KIAA1217: variants seen among roughly 807,000 people sequenced by gnomAD.
KIAA1217 encodes the protein sickle tail protein homolog.
A neutral mutation model predicts 163.9 loss-of-function variants in KIAA1217; 88 were observed. That is an observed-to-expected ratio of 0.54 (90% CI 0.45 to 0.64). The LOEUF (loss-of-function observed/expected upper bound fraction) is 0.64. Ranked by LOEUF, KIAA1217 falls within the 30% of genes least tolerant of loss-of-function variation. The pLI, the probability that KIAA1217 is intolerant of heterozygous loss-of-function variation, is 0.00. For synonymous variants in KIAA1217, 903 were observed against 923.1 expected, an observed-to-expected ratio of 0.98 and a Z score of 0.39; for missense variants, 2,372 against 2,475.0, an observed-to-expected ratio of 0.96 and a Z score of 0.88.
chr10:23,928,450 T>A (rs1218585518), intron 1 of KIAA1217, among the ~76,000 whole-genome samples: 3 of 152,190 alleles, frequency 2.0e-5, no homozygotes, highest in African/African-American at 7.2e-5. Flanking sequence ...TAGCAAATGA[T>A]GATTTGTTCA....
chr10:24,427,265 C>T (rs16924742), intron 3 of KIAA1217, among the ~76,000 whole-genome samples: 8,842 of 150,446 alleles, frequency 0.059, 252 homozygotes, highest in East Asian at 0.072. Flanking sequence ...GCATTCCCTT[C>T]GGTTGAGGTA....
At chr10:23,865,657 GT>G (rs1564489522) in intron 1 of KIAA1217, among the ~76,000 whole-genome samples, 1 of 151,586 alleles carries the variant, frequency 6.6e-6, no homozygotes, top group South Asian at 2.1e-4. Flanking sequence ...ACTCTGTTTT[GT>G]TTTTTAATTT....
At chr10:24,338,060 G>A (rs1213517091) in intron 2 of KIAA1217, among the ~76,000 whole-genome samples, 2 of 152,174 alleles carry the variant, frequency 1.3e-5, no homozygotes, top group East Asian at 3.9e-4. Flanking sequence ...AATCTAGAAA[G>A]CAACCAACAA....
At chr10:24,051,337 T>G (rs1849491020) in intron 2 of KIAA1217, among the ~76,000 whole-genome samples, 1 of 152,208 alleles carries the variant, frequency 6.6e-6, no homozygotes, top group Non-Finnish European at 1.5e-5. Flanking sequence ...TCCACATTTT[T>G]GCAATTGTGA....
chr10:24,021,277 A>G (rs186964999), intron 2 of KIAA1217, among the ~76,000 whole-genome samples: 225 of 152,124 alleles, frequency 1.5e-3, no homozygotes, highest in African/African-American at 5.3e-3. Flanking sequence ...AGGTTAATAT[A>G]CAAAAGCCAA....
chr10:24,471,499 A>C (rs2063507539), intron 5 of KIAA1217, among the ~76,000 whole-genome samples: 1 of 152,112 alleles, frequency 6.6e-6, no homozygotes, highest in South Asian at 2.1e-4. Context: ...CTCCCTTGCT[A>C]AACACAGTAA....
intron 1 of KIAA1217, among the ~76,000 whole-genome samples, chr10:23,968,410 A>T (rs1845163192): frequency 6.6e-6 from 1 of 152,196 alleles, no homozygotes; most frequent in African/African-American, 2.4e-5. Context: ...GACGGGTTTT[A>T]TGTAAGCTGA....
intron 1 of KIAA1217, among the ~76,000 whole-genome samples, chr10:23,705,170 G>A (rs983203927): frequency 5.3e-5 from 8 of 152,068 alleles, no homozygotes; most frequent in African/African-American, 1.7e-4. Flanking sequence ...GAGTTGTTAA[G>A]TGTTCTTTAT....
intron 1 of KIAA1217, among the ~76,000 whole-genome samples, chr10:23,722,929 C>T (rs532306075): frequency 2.6e-5 from 4 of 152,286 alleles, no homozygotes; most frequent in Non-Finnish European, 4.4e-5. Flanking sequence ...CTGTTCCTCC[C>T]TTTATTCTGC....
chr10:23,923,049 C>G (rs950882933), intron 1 of KIAA1217, among the ~76,000 whole-genome samples: 2 of 152,120 alleles, frequency 1.3e-5, no homozygotes, highest in Non-Finnish European at 2.9e-5. Flanking sequence ...GTCACCCAAG[C>G]AGGGTACACT....
chr10:24,271,764 A>T (rs2076789865), intron 2 of KIAA1217, among the ~76,000 whole-genome samples: 3 of 151,830 alleles, frequency 2.0e-5, no homozygotes, highest in South Asian at 4.1e-4. Flanking sequence ...AAAAAAAAAA[A>T]GAGTGAGAAT....
rs141598578 is a variant in KIAA1217, at chr10:23,815,410, C to T, written c.-321+120176C>T. Among the ~76,000 whole-genome samples, 491 of 152,138 alleles carry T rather than the reference C, an allele frequency of 3.2e-3. 2 individuals carry two copies. Among genetic ancestry groups the T allele is most frequent in the African/African-American group, 0.011 (451 of 41,522 alleles). On this transcript the variant is annotated intron_variant, in intron 1 of 18. Transcript: ENST00000376462. ...CTGTAATCCCAGCACTTTGGGAGGC[C>T]GAGGTGGGCGGATCACAAAGTCAGG...
intron 3 of KIAA1217, among the ~76,000 whole-genome samples, chr10:24,400,723 CA>C (rs1402081194): frequency 7.2e-5 from 11 of 151,864 alleles, no homozygotes; most frequent in African/African-American, 2.7e-4. Flanking sequence ...AATAGTCAAC[CA>C]GAATATAAAT....
At position 24,219,552 on chromosome 10, in the gene KIAA1217, C is replaced by A. The variant is rs536456311; in HGVS notation, c.71-74C>A. ...TTCATACATTAACAACTGCCGCAAA[C>A]CCTCTTGGTGTTCTGCAAATGAGAC... On this transcript the variant is annotated intron_variant, in intron 1 of 20. Transcript: ENST00000376454. The A allele has an allele frequency of 2.1e-5, 26 of 1,265,176 alleles. No individual in the cohort carries two copies. The African/African-American group carries it at 3.6e-4, about 18-fold the overall frequency. 78.4% of individuals were successfully genotyped at this position (1,265,176 alleles called of 1,614,324 possible).
chr10:23,989,079 ACT>A (rs1368002417), intron 1 of KIAA1217, among the ~76,000 whole-genome samples: 1 of 152,114 alleles, frequency 6.6e-6, no homozygotes, highest in East Asian at 1.9e-4. Flanking sequence ...CTTCTGGAAA[ACT>A]CAGCATAATC....
At chr10:24,248,738 A>C (rs2131448738) in intron 2 of KIAA1217, among the ~76,000 whole-genome samples, 1 of 147,566 alleles carries the variant, frequency 6.8e-6, no homozygotes, top group South Asian at 2.2e-4. Flanking sequence ...TAATTTGCTG[A>C]GGGTTCATTT....
intron 5 of KIAA1217, among the ~76,000 whole-genome samples, chr10:24,456,963 A>G (rs957907566): frequency 1.3e-5 from 2 of 151,966 alleles, no homozygotes; most frequent in Non-Finnish European, 2.9e-5. Flanking sequence ...GGGCCTCCCG[A>G]AGTGCTGGGA....
chr10:23,866,562 C>A (rs1399560156), intron 1 of KIAA1217, among the ~76,000 whole-genome samples: 2 of 152,032 alleles, frequency 1.3e-5, no homozygotes, highest in East Asian at 3.9e-4. Flanking sequence ...GGCAGCTGTA[C>A]CCTTTTCCCA....
intron 2 of KIAA1217, among the ~76,000 whole-genome samples, chr10:24,029,253 G>A (rs1848093480): frequency 1.3e-5 from 2 of 152,096 alleles, no homozygotes. Flanking sequence ...TGTCTGAAAG[G>A]AGGAGGAACA....
Sources: gnomAD v4.1 joint callset for allele counts (sites outside exome capture counted in the v4.1 genomes callset) on GRCh38, gnomAD v4.1.1 for gene constraint, MANE v1.5 for transcripts, NCBI Gene and HGNC (gene_info 2026-07-23, HGNC 2026-07-21) for gene names.